ZNF350: variants seen among roughly 807,000 people sequenced by gnomAD.
The protein encoded by ZNF350 is KRAB zinc finger protein ZFQR.
In ZNF350, 5 loss-of-function variants were observed where a neutral mutation model predicts 13.1. The observed-to-expected ratio is 0.38, with a 90% CI of 0.20 to 0.80. The LOEUF (loss-of-function observed/expected upper bound fraction) is 0.80, where lower values mean the gene tolerates loss of function less well. ZNF350 is among the 30% of genes least tolerant of loss of function. The pLI is 0.43. For synonymous variants in ZNF350, 199 were observed against 224.2 expected (o/e 0.89, Z 1.00); for missense variants, 534 against 644.2 (o/e 0.83, Z 1.85).
chr19:51,983,369 A>C (rs2086098607), intron 1 of ZNF350, among the ~76,000 whole-genome samples: 1 of 152,204 alleles, frequency 6.6e-6, no homozygotes, highest in South Asian at 2.1e-4. Context: ...TCCCAGCCCA[A>C]CACTCGTAAA....
At chr19:51,977,631 G>C (rs907014441) in intron 1 of ZNF350, among the ~76,000 whole-genome samples, 1 of 152,218 alleles carries the variant, frequency 6.6e-6, no homozygotes, top group Non-Finnish European at 1.5e-5. Context: ...TATCATGCAA[G>C]GGTTGCAGGA....
At position 51,964,578 on chromosome 19, in the gene ZNF350, TATCTC is replaced by T. The variant is rs1441732338; in HGVS notation, c.*271_*275del. The T allele has an allele frequency of 2.2e-6, 1 of 460,370 alleles. No homozygotes were observed. Among genetic ancestry groups the T allele is most frequent in the African/African-American group, 2.0e-5 (1 of 50,748 alleles). 28.5% of individuals were successfully genotyped at this position (460,370 alleles called of 1,614,324 possible). A position where few individuals can be genotyped will look rare whatever the true frequency, so the allele number is the denominator to read the frequency against. On this transcript the variant is annotated 3_prime_UTR_variant, in exon 5 of 5. Coordinates refer to ENST00000243644, the MANE Select transcript of ZNF350 (RefSeq NM_021632.4). ...TCACTGCAACACTCCCGACACCAAT[TATCTC>T]ATCTGTTTTAAAAATTCACAGTACT...
At chr19:51,975,430 A>G (rs907073283) in intron 1 of ZNF350, among the ~76,000 whole-genome samples, 1 of 23,834 alleles carries the variant, frequency 4.2e-5, no homozygotes, top group African/African-American at 1.8e-4. Flanking sequence ...ACCTCGTCTT[A>G]AAAAAAAAAA....
rs376866358 is a variant in ZNF350, at chr19:51,972,373, CCACACA to C, written c.15+1967_15+1972del. Among the ~76,000 whole-genome samples, 217 of 148,956 alleles carry C rather than the reference CCACACA, an allele frequency of 1.5e-3. 2 individuals carry two copies. Among genetic ancestry groups the C allele is most frequent in the African/African-American group, 5.1e-3 (208 of 40,416 alleles). On this transcript the variant is annotated intron_variant, in intron 2 of 4. Coordinates refer to ENST00000243644, the MANE Select transcript of ZNF350 (RefSeq NM_021632.4). ...TAAACTCATAGTCAACCCACCCCCG[CCACACA>C]CACACACACAAAACCTTTATGATCT...
intron 1 of ZNF350, among the ~76,000 whole-genome samples, chr19:51,979,577 TTGGTTCTATTAA>T (rs1213427429): frequency 6.6e-6 from 1 of 152,228 alleles, no homozygotes. Flanking sequence ...TTATTAGGTC[TTGGTTCTATTAA>T]TGTAACTGGT....
Position 51,974,501 on chromosome 19 carries a change from G to A in ZNF350, c.-141C>T. 9.7e-7 allele frequency: 1 copy of A among 1,032,342 alleles called. No homozygotes were observed. The highest frequency in any genetic ancestry group is 1.5e-5 in the South Asian group (1 of 67,160). 63.9% of individuals were successfully genotyped at this position (1,032,342 alleles called of 1,614,324 possible). Reference sequence around the variant, plus strand: ...CCAAATCCACTTCCTCCCTCTTCAGGTTATGTTTTTTGCTCCTGAGGAGTC... The same window carrying A: ...CCAAATCCACTTCCTCCCTCTTCAGATTATGTTTTTTGCTCCTGAGGAGTC... On this transcript the variant is annotated 5_prime_UTR_variant, in exon 2 of 5. Coordinates refer to ENST00000243644, the MANE Select transcript of ZNF350 (RefSeq NM_021632.4).
In ZNF350 at chr19:51,966,287, T is replaced by TTG. The variant is rs1172084422; in HGVS notation, c.239-74_239-73insCA. On this transcript the variant is annotated intron_variant, in intron 4 of 4. Coordinates refer to ENST00000243644, the MANE Select transcript of ZNF350 (RefSeq NM_021632.4). Reference sequence around the variant, plus strand: ...AGTTTGTTGTGGTTTTTTTGTTTTTTTTGTTTTTTTTTTTAAGATGGAGTT... The same window carrying TTG: ...AGTTTGTTGTGGTTTTTTTGTTTTTTTGTTGTTTTTTTTTTTAAGATGGAGTT... 4.1e-5 allele frequency: 60 copies of TTG among 1,470,276 alleles called. No individual in the cohort carries two copies. In the African/African-American group the frequency reaches 8.5e-4, roughly 21 times the overall value. The allele number at this position is 1,470,276 out of a possible 1,614,324, so 91.1% of individuals were successfully genotyped here.
intron 1 of ZNF350, among the ~76,000 whole-genome samples, chr19:51,975,686 CA>C (rs1385205969): frequency 6.6e-6 from 1 of 152,150 alleles, no homozygotes; most frequent in Non-Finnish European, 1.5e-5. Context: ...ATAAATGCCT[CA>C]AAACTGTCAG....
intron 2 of ZNF350, chr19:51,973,727 A>C (rs2085809393): frequency 1.3e-5 from 2 of 152,284 alleles, no homozygotes. Flanking sequence ...GAATCCTGCC[A>C]TATTCCCAGG....
chr19:51,971,823 CT>C (rs934978015), intron 2 of ZNF350, among the ~76,000 whole-genome samples: 2 of 152,126 alleles, frequency 1.3e-5, no homozygotes, highest in African/African-American at 4.8e-5. Flanking sequence ...TTCAGTCCCC[CT>C]AGGTCTGTGC....
Position 51,964,836 on chromosome 19 carries a change from T to C in ZNF350, c.*18A>G, listed in dbSNP as rs766218325. Reference sequence around the variant, plus strand: ...AATTTTTGCTCAACCCTTTTCCACATAGATCTGAGTTTTCTTCCTATGGGT... The same window carrying C: ...AATTTTTGCTCAACCCTTTTCCACACAGATCTGAGTTTTCTTCCTATGGGT... On this transcript the variant is annotated 3_prime_UTR_variant, in exon 5 of 5. Coordinates refer to ENST00000243644, the MANE Select transcript of ZNF350 (RefSeq NM_021632.4). 6 of 1,590,704 alleles carry C rather than the reference T, an allele frequency of 3.8e-6. No homozygotes were observed. The highest frequency in any genetic ancestry group is 3.4e-4 in the Middle Eastern group (2 of 5,956).
At position 51,974,383 on chromosome 19, in the gene ZNF350, G is replaced by A. The variant is rs1183079748; in HGVS notation, c.-23C>T. ...CATTTTCTTCTGTTCTTGGAAGACA[G>A]CATTCAACTGGGATGGTCTGTCTTT... On this transcript the variant is annotated 5_prime_UTR_variant, in exon 2 of 5. Coordinates refer to ENST00000243644, the MANE Select transcript of ZNF350 (RefSeq NM_021632.4). The A allele has an allele frequency of 5.6e-6, 9 of 1,613,414 alleles. No individual in the cohort carries two copies. In the South Asian group the frequency reaches 9.9e-5, roughly 18 times the overall value.
chr19:51,975,090 C>G (rs572534195), intron 1 of ZNF350, among the ~76,000 whole-genome samples: 1 of 152,298 alleles, frequency 6.6e-6, no homozygotes, highest in East Asian at 1.9e-4. Context: ...TTGACGTGCT[C>G]TAAGGTTTCT....
At position 51,965,444 on chromosome 19, in the gene ZNF350, G is replaced by C; in HGVS notation, c.1009C>G (p.Gln337Glu). The change falls in exon 5 of 5, where the codon CAG becomes GAG. Residue 337 changes from glutamine (Q) to glutamate (E), a missense_variant. Coordinates refer to ENST00000243644, the MANE Select transcript of ZNF350 (RefSeq NM_021632.4). Reference protein sequence around the residue: ...FIQKTCLIAHQRFHTGKTPFV... With the variant: ...FIQKTCLIAHERFHTGKTPFV... Reference sequence around the variant, plus strand: ...GGCGTCTTTCCTGTGTGAAATCTCTGATGTGCTATGAGACACGTCTTCTGA... The same window carrying C: ...GGCGTCTTTCCTGTGTGAAATCTCTCATGTGCTATGAGACACGTCTTCTGA... The C allele has an allele frequency of 6.2e-7, 1 of 1,614,152 alleles. No homozygotes were observed. Among genetic ancestry groups the C allele is most frequent in the Non-Finnish European group, 8.5e-7 (1 of 1,180,020 alleles).
At chr19:51,986,458 C>T (rs1174840747) in intron 1 of ZNF350, 3 of 152,676 alleles carry the variant, frequency 2.0e-5, no homozygotes, top group African/African-American at 4.8e-5. Context: ...AAGCAGACGC[C>T]GCATCGATCC....
rs79579399 is a variant in ZNF350 at position 51,966,226 on chromosome 19, A to G, written c.239-12T>C. On this transcript the variant is annotated splice_polypyrimidine_tract_variant and intron_variant, in intron 4 of 4. Transcript: ENST00000243644. ...AACTTTCCATATGTCTAGAAAGAAA[A>G]GAACAAAGATTTCTATCATTTAGAT... 30,630 of 1,539,186 alleles carry G rather than the reference A, an allele frequency of 0.02. 415 individuals are homozygous for G. The highest frequency in any genetic ancestry group is 0.023 in the South Asian group (1,796 of 78,948).
chr19:51,971,589 A>G (rs576953350), intron 2 of ZNF350, among the ~76,000 whole-genome samples: 3 of 152,324 alleles, frequency 2.0e-5, no homozygotes, highest in Admixed American at 1.3e-4. Context: ...TGCTGAGGTT[A>G]TCTACTGCAA....
At chr19:51,973,346 T>TTTTA (rs1473311171) in intron 2 of ZNF350, 1 of 152,004 alleles carries the variant, frequency 6.6e-6, no homozygotes, top group African/African-American at 2.4e-5. Flanking sequence ...AGAAGTCAGG[T>TTTTA]TTTAACTTTA....
chr19:51,970,844 T>TA (rs943300657), intron 2 of ZNF350, among the ~76,000 whole-genome samples: 2 of 152,028 alleles, frequency 1.3e-5, no homozygotes, highest in African/African-American at 4.8e-5. Context: ...AGGGAGACTA[T>TA]AAAAAAATCC....
Sources: gnomAD v4.1 joint callset for allele counts (sites outside exome capture counted in the v4.1 genomes callset) on GRCh38, gnomAD v4.1.1 for gene constraint, MANE v1.5 for transcripts, NCBI Gene and HGNC (gene_info 2026-07-23, HGNC 2026-07-21) for gene names.